The following MGAT4C variants were observed in gnomAD, a reference collection of about 807,000 sequenced individuals.
MGAT4C encodes the protein alpha-1,3-mannosyl-glycoprotein 4-beta-N-acetylglucosaminyltransferase C.
A neutral mutation model predicts 40.1 loss-of-function variants in MGAT4C; 19 were observed. That is an observed-to-expected ratio of 0.47 (90% CI 0.33 to 0.70). MGAT4C has a LOEUF of 0.70. Among genes scored for constraint, MGAT4C ranks in the 30% least tolerant of loss-of-function variants. The pLI is 0.02. For synonymous variants in MGAT4C, 181 were observed against 187.1 expected, an observed-to-expected ratio of 0.97 and a Z score of 0.27; for missense variants, 491 against 563.2, an observed-to-expected ratio of 0.87 and a Z score of 1.30.
At chr12:86,728,907 C>T (rs745797246) in intron 1 of MGAT4C, among the ~76,000 whole-genome samples, 2 of 152,114 alleles carry the variant, frequency 1.3e-5, no homozygotes, top group Non-Finnish European at 2.9e-5. Flanking sequence ...GATATCAATT[C>T]AAATACACCT....
chr12:86,360,837 G>A (rs1185141119), intron 3 of MGAT4C, among the ~76,000 whole-genome samples: 1 of 151,438 alleles, frequency 6.6e-6, no homozygotes, highest in Non-Finnish European at 1.5e-5. Flanking sequence ...AAATAAAAGA[G>A]GATACAAACA....
At chr12:86,303,846 G>T (rs1027596236) in intron 4 of MGAT4C, among the ~76,000 whole-genome samples, 2 of 150,190 alleles carry the variant, frequency 1.3e-5, no homozygotes, top group Non-Finnish European at 2.9e-5. Context: ...ACTTTGTTAC[G>T]TTGTGAAAGC....
chr12:86,397,910 C>A (rs911767661), intron 3 of MGAT4C, among the ~76,000 whole-genome samples: 13 of 152,154 alleles, frequency 8.5e-5, no homozygotes, highest in Non-Finnish European at 1.9e-4. Context: ...CTGCAGTGAG[C>A]TATGATCACA....
chr12:86,119,929 C>A (rs946348502), intron 1 of MGAT4C, among the ~76,000 whole-genome samples: 9 of 151,560 alleles, frequency 5.9e-5, no homozygotes, highest in African/African-American at 2.2e-4. Flanking sequence ...AAGGAAATGC[C>A]ATTTGAATAA....
intron 1 of MGAT4C, among the ~76,000 whole-genome samples, chr12:86,823,184 A>G (rs1330958956): frequency 4.0e-5 from 6 of 151,172 alleles, no homozygotes; most frequent in Non-Finnish European, 7.4e-5. Context: ...AAATAGATCA[A>G]CTAGATAATC....
chr12:86,540,198 ACT>A (rs1272948250), intron 2 of MGAT4C, among the ~76,000 whole-genome samples: 1 of 152,214 alleles, frequency 6.6e-6, no homozygotes, highest in Non-Finnish European at 1.5e-5. Flanking sequence ...AAGTGTGACT[ACT>A]GAAGCTAGGT....
intron 4 of MGAT4C, among the ~76,000 whole-genome samples, chr12:86,299,274 G>C (rs1304767079): frequency 2.0e-5 from 3 of 152,018 alleles, no homozygotes; most frequent in Admixed American, 1.3e-4. Context: ...ATGCCACCAG[G>C]CCCAGCTATT....
chr12:86,470,436 A>T (rs1957742428), intron 2 of MGAT4C, among the ~76,000 whole-genome samples: 1 of 152,140 alleles, frequency 6.6e-6, no homozygotes, highest in Non-Finnish European at 1.5e-5. Flanking sequence ...GAGAGAAATA[A>T]GACAGCCCAC....
chr12:86,200,836 T>G (rs1296277478), intron 1 of MGAT4C, among the ~76,000 whole-genome samples: 1 of 152,120 alleles, frequency 6.6e-6, no homozygotes. Flanking sequence ...GTCATGAAAG[T>G]CTTAATCTAA....
chr12:86,763,911 T>G (rs2559815), intron 1 of MGAT4C, among the ~76,000 whole-genome samples: 152,244 of 152,264 alleles, frequency 1, 76,112 homozygotes, highest in Middle Eastern at 1. Flanking sequence ...GAACAGCTCC[T>G]GTCTACAGCT....
chr12:86,791,755 A>C (rs534153173), intron 1 of MGAT4C, among the ~76,000 whole-genome samples: 41 of 152,322 alleles, frequency 2.7e-4, no homozygotes, highest in African/African-American at 9.6e-4. Context: ...CCAGAAGTGT[A>C]AACTCATTGA....
At chr12:86,608,414 A>G (rs934157828) in intron 2 of MGAT4C, among the ~76,000 whole-genome samples, 1 of 152,050 alleles carries the variant, frequency 6.6e-6, no homozygotes, top group Non-Finnish European at 1.5e-5. Context: ...CTCTGTCACT[A>G]CAAAAAAATT....
chr12:86,224,751 G>A (rs1203507939), intron 1 of MGAT4C, among the ~76,000 whole-genome samples: 1 of 152,144 alleles, frequency 6.6e-6, no homozygotes, highest in Non-Finnish European at 1.5e-5. Flanking sequence ...GCTTGAAACC[G>A]ATGATACATA....
intron 3 of MGAT4C, among the ~76,000 whole-genome samples, chr12:86,398,842 T>A (rs1198251762): frequency 2.0e-5 from 3 of 152,244 alleles, no homozygotes; most frequent in Non-Finnish European, 2.9e-5. Flanking sequence ...TTAGGAGTCC[T>A]GCCCCATACC....
At chr12:86,667,793 A>G (rs998949992) in intron 2 of MGAT4C, among the ~76,000 whole-genome samples, 1 of 152,200 alleles carries the variant, frequency 6.6e-6, no homozygotes, top group Non-Finnish European at 1.5e-5. Flanking sequence ...CTTAGTTTGC[A>G]GGTTGGACAA....
intron 1 of MGAT4C, among the ~76,000 whole-genome samples, chr12:86,732,694 G>T (rs1173150435): frequency 1.3e-5 from 2 of 152,044 alleles, no homozygotes; most frequent in Non-Finnish European, 2.9e-5. Context: ...AGCTTCTCTT[G>T]CTCTCTGGCC....
intron 1 of MGAT4C, among the ~76,000 whole-genome samples, chr12:86,790,683 C>G (rs995654652): frequency 6.6e-6 from 1 of 151,932 alleles, no homozygotes; most frequent in Non-Finnish European, 1.5e-5. Flanking sequence ...ATTGAGAAAC[C>G]TAAGCCACAG....
At chr12:86,262,581 ACTAGGTT>A (rs1314019525) in intron 4 of MGAT4C, among the ~76,000 whole-genome samples, 1 of 152,034 alleles carries the variant, frequency 6.6e-6, no homozygotes, top group Non-Finnish European at 1.5e-5. Context: ...TGTATCTTCC[ACTAGGTT>A]CTTGAAAGCA....
chr12:86,466,884 T>G (rs1957689862), intron 2 of MGAT4C, among the ~76,000 whole-genome samples: 1 of 152,194 alleles, frequency 6.6e-6, no homozygotes, highest in Non-Finnish European at 1.5e-5. Flanking sequence ...ATGCTTAATA[T>G]TTGGAAAATC....
Sources: allele counts gnomAD v4.1 joint callset (sites outside exome capture counted in the v4.1 genomes callset), GRCh38; gene constraint gnomAD v4.1.1; transcripts MANE v1.5; gene names NCBI Gene and HGNC (gene_info 2026-07-23, HGNC 2026-07-21).